The following C12orf42 variants were observed in gnomAD, a reference collection of about 807,000 sequenced individuals.
The protein encoded by C12orf42 is uncharacterized protein C12orf42.
C12orf42 carries 25 observed loss-of-function variants against 21.6 expected under a neutral mutation model. That is an observed-to-expected ratio of 1.16 (90% CI 0.84 to 1.62). The LOEUF is 1.62. Ranked by LOEUF, C12orf42 falls within the 40% of genes most tolerant of loss-of-function variation. C12orf42 has a pLI of 0.00. For synonymous variants in C12orf42, 174 were observed against 175.0 expected, an observed-to-expected ratio of 0.99 and a Z score of 0.05; for missense variants, 483 against 459.3, an observed-to-expected ratio of 1.05 and a Z score of -0.47.
At position 103,306,142 on chromosome 12, in the gene C12orf42, T is replaced by C; in HGVS notation, c.463A>G (p.Arg155Gly). The C allele has an allele frequency of 2.5e-6, 4 of 1,613,958 alleles. No homozygotes were observed. Among genetic ancestry groups the C allele is most frequent in the Non-Finnish European group, 3.4e-6 (4 of 1,179,862 alleles). ...TTCCAAGCCTGCTTGGGTGCTCCTC[T>C]GGCTCTCTCCTCAGTTTCTCCTCTG... Reference protein sequence around the residue: ...TARGETEERARGAPKQAWNSS... With the variant: ...TARGETEERAGGAPKQAWNSS... Residue 155 changes from arginine (R) to glycine (G), a missense_variant, in exon 5 of 6, where the codon AGA becomes GGA. Transcript: ENST00000548883.
the C12orf42 span, among the ~76,000 whole-genome samples, chr12:103,159,938 C>T: frequency 1.5e-4 from 23 of 152,336 alleles, no homozygotes; most frequent in South Asian, 4.8e-3. Context: ...CTGAGACTGC[C>T]TATTCCATAT....
chr12:103,546,984 C>G, the C12orf42 span, among the ~76,000 whole-genome samples: 1 of 152,224 alleles, frequency 6.6e-6, no homozygotes, highest in Non-Finnish European at 1.5e-5. Context: ...CCATGACTCT[C>G]CAGTCTTCAT....
At chr12:103,373,603 G>A (rs1387984335) in intron 3 of C12orf42, among the ~76,000 whole-genome samples, 1 of 152,186 alleles carries the variant, frequency 6.6e-6, no homozygotes, top group Non-Finnish European at 1.5e-5. Context: ...ACTGTAATTA[G>A]AGGACAAGGA....
chr12:103,240,648 G>T (rs2033692509), intron 10 of C12orf42, among the ~76,000 whole-genome samples: 1 of 152,148 alleles, frequency 6.6e-6, no homozygotes, highest in East Asian at 1.9e-4. Context: ...TAAAAGAAAT[G>T]CTAATCAATT....
chr12:103,128,384 G>T, the C12orf42 span, among the ~76,000 whole-genome samples: 1 of 152,198 alleles, frequency 6.6e-6, no homozygotes, highest in African/African-American at 2.4e-5. Context: ...ACCATTATAT[G>T]GGGGGAGGGG....
At chr12:103,557,852 A>G in the C12orf42 span, 8 of 152,310 alleles carry the variant, frequency 5.3e-5, no homozygotes, top group African/African-American at 1.9e-4. Flanking sequence ...AAAACCAAAA[A>G]GCCTAACATA....
At chr12:103,229,102 C>G in the C12orf42 span, among the ~76,000 whole-genome samples, 1 of 152,164 alleles carries the variant, frequency 6.6e-6, no homozygotes, top group Non-Finnish European at 1.5e-5. Flanking sequence ...CTCATCACTT[C>G]AAGCAGATAC....
chr12:103,162,178 T>C, the C12orf42 span, among the ~76,000 whole-genome samples: 19 of 152,190 alleles, frequency 1.2e-4, no homozygotes, highest in South Asian at 1.0e-3. Context: ...CCTATGTCCC[T>C]TGAGAGTGAA....
At chr12:103,371,529 T>C (rs990002955) in intron 3 of C12orf42, among the ~76,000 whole-genome samples, 1 of 152,176 alleles carries the variant, frequency 6.6e-6, no homozygotes. Context: ...AAAGTCTTTC[T>C]TAAAAATCAT....
intron 2 of C12orf42, among the ~76,000 whole-genome samples, chr12:103,410,257 C>T (rs994548121): frequency 2.0e-5 from 3 of 152,186 alleles, no homozygotes; most frequent in African/African-American, 7.2e-5. Context: ...AGAGCCTAAA[C>T]TAAAAGGAGG....
intron 1 of C12orf42, among the ~76,000 whole-genome samples, chr12:103,484,855 T>C (rs1477654842): frequency 2.0e-5 from 3 of 146,622 alleles, no homozygotes; most frequent in Non-Finnish European, 3.0e-5. Flanking sequence ...GGAAGGGATC[T>C]GGTTTCAGTT....
chr12:103,269,385 G>A (rs1212897948), intron 6 of C12orf42, among the ~76,000 whole-genome samples: 1 of 152,072 alleles, frequency 6.6e-6, no homozygotes, highest in African/African-American at 2.4e-5. Context: ...CAGATCAATC[G>A]CATTGACAGG....
At chr12:103,292,755 T>C (rs1190195094) in intron 4 of C12orf42, among the ~76,000 whole-genome samples, 1 of 152,112 alleles carries the variant, frequency 6.6e-6, no homozygotes, top group Non-Finnish European at 1.5e-5. Flanking sequence ...TATTCATCTT[T>C]AAATATATTT....
intron 1 of C12orf42, among the ~76,000 whole-genome samples, chr12:103,483,158 G>A (rs1431491453): frequency 6.6e-6 from 1 of 152,018 alleles, no homozygotes; most frequent in South Asian, 2.1e-4. Flanking sequence ...ATTTTAGTTT[G>A]AACCTTATAT....
At chr12:103,551,481 C>T in the C12orf42 span, among the ~76,000 whole-genome samples, 1 of 152,000 alleles carries the variant, frequency 6.6e-6, no homozygotes, top group African/African-American at 2.4e-5. Context: ...CATGCCACAG[C>T]ACTCCAGACT....
At chr12:103,467,930 C>A (rs1430708650) in intron 2 of C12orf42, among the ~76,000 whole-genome samples, 1 of 152,140 alleles carries the variant, frequency 6.6e-6, no homozygotes, top group Non-Finnish European at 1.5e-5. Context: ...TACCTATATG[C>A]AGATTAGAAA....
intron 10 of C12orf42, chr12:103,262,151 TA>T: frequency 6.6e-6 from 1 of 152,316 alleles, no homozygotes; most frequent in Middle Eastern, 3.4e-3. Context: ...TAAATCTGTA[TA>T]AAAAATGTTC....
chr12:103,316,209 TTTTA>T (rs200000255), intron 4 of C12orf42, among the ~76,000 whole-genome samples: 1,515 of 133,170 alleles, frequency 0.011, 17 homozygotes, highest in African/African-American at 0.046. Flanking sequence ...CACACACTAT[TTTTA>T]TTTGTCAATT....
chr12:103,494,164 C>A (rs1955360337), intron 1 of C12orf42, among the ~76,000 whole-genome samples: 1 of 152,320 alleles, frequency 6.6e-6, no homozygotes, highest in South Asian at 2.1e-4. Flanking sequence ...TCCACAATAG[C>A]CTGGCCCTCT....
Sources: allele counts gnomAD v4.1 joint callset (sites outside exome capture counted in the v4.1 genomes callset), GRCh38; gene constraint gnomAD v4.1.1; transcripts MANE v1.5; gene names NCBI Gene and HGNC (gene_info 2026-07-23, HGNC 2026-07-21).